Variants in RAVER2 observed in about 807,000 individuals in gnomAD.
RAVER2 encodes ribonucleoprotein, PTB binding 2.
A neutral mutation model predicts 78.1 loss-of-function variants in RAVER2; 46 were observed. That is an observed-to-expected ratio of 0.59 (90% CI 0.46 to 0.75). The LOEUF is 0.75. Ranked by LOEUF, RAVER2 falls within the 30% of genes least tolerant of loss-of-function variation. The pLI is 0.00. For missense variants in RAVER2, 793 were observed against 837.5 expected (o/e 0.95, Z 0.66); for synonymous variants, 311 against 313.3 (o/e 0.99, Z 0.08).
At chr1:64,829,562 A>G (rs1415179409) in intron 11 of RAVER2, among the ~76,000 whole-genome samples, 1 of 152,188 alleles carries the variant, frequency 6.6e-6, no homozygotes, top group East Asian at 1.9e-4. Flanking sequence ...GAGGTGAGCA[A>G]GCTGTTTGGT....
At chr1:64,803,553 C>T (rs1006203059) in intron 6 of RAVER2, among the ~76,000 whole-genome samples, 1 of 151,924 alleles carries the variant, frequency 6.6e-6, no homozygotes, top group African/African-American at 2.4e-5. Flanking sequence ...TAGAGATAAG[C>T]ATTACTCATT....
intron 4 of RAVER2, among the ~76,000 whole-genome samples, chr1:64,783,547 TTTG>T (rs766019677): frequency 2.0e-5 from 3 of 152,146 alleles, no homozygotes; most frequent in Non-Finnish European, 4.4e-5. Context: ...GAAGAAGACA[TTTG>T]TTGTCTGTTC....
intron 11 of RAVER2, among the ~76,000 whole-genome samples, chr1:64,826,988 A>G (rs894992022): frequency 6.6e-6 from 1 of 152,200 alleles, no homozygotes; most frequent in Non-Finnish European, 1.5e-5. Flanking sequence ...CGTTTTAGAC[A>G]TAAGATCCCT....
At chr1:64,761,403 T>C (rs897583054) in intron 1 of RAVER2, among the ~76,000 whole-genome samples, 1 of 152,160 alleles carries the variant, frequency 6.6e-6, no homozygotes, top group Admixed American at 6.5e-5. Context: ...ATATATAGGC[T>C]TGGAGCTTGG....
intron 5 of RAVER2, among the ~76,000 whole-genome samples, chr1:64,802,685 T>C (rs1653302080): frequency 6.6e-6 from 1 of 152,188 alleles, no homozygotes; most frequent in Non-Finnish European, 1.5e-5. Flanking sequence ...GTATTGTGCT[T>C]ATTAAAGGTG....
chr1:64,791,123 T>G (rs1435244771), intron 5 of RAVER2, among the ~76,000 whole-genome samples: 1 of 152,166 alleles, frequency 6.6e-6, no homozygotes, highest in Non-Finnish European at 1.5e-5. Flanking sequence ...GAAGATACAC[T>G]TAGGGAAAAG....
At chr1:64,814,953 G>T in intron 11 of RAVER2, 113 bp downstream of exon 11, 1 of 923,490 alleles carries the variant, frequency 1.1e-6, no homozygotes, top group Non-Finnish European at 1.5e-6. Context: ...AAATCAAATT[G>T]CACTGATCTA....
intron 11 of RAVER2, among the ~76,000 whole-genome samples, chr1:64,828,402 C>T (rs925583907): frequency 7.9e-5 from 12 of 152,152 alleles, no homozygotes; most frequent in African/African-American, 2.7e-4. Context: ...CTAGATCCTA[C>T]AAATACAAAA....
At chr1:64,771,586 A>G (rs1352153705) in intron 2 of RAVER2, among the ~76,000 whole-genome samples, 7 of 152,094 alleles carry the variant, frequency 4.6e-5, no homozygotes, top group Non-Finnish European at 1.5e-5. Flanking sequence ...ATGACATTAC[A>G]TTGTGAGATT....
At chr1:64,826,390 A>G (rs1353501704) in intron 11 of RAVER2, among the ~76,000 whole-genome samples, 1 of 152,210 alleles carries the variant, frequency 6.6e-6, no homozygotes, top group African/African-American at 2.4e-5. Flanking sequence ...CAAAGACCAG[A>G]ACTTTAGGGA....
Position 64,745,514 on chromosome 1 carries a change from C to T in RAVER2, c.249+93C>T. 2 of 1,351,148 alleles carry T rather than the reference C, an allele frequency of 1.5e-6. No homozygotes were observed. Among genetic ancestry groups the T allele is most frequent in the South Asian group, 1.5e-5 (1 of 68,454 alleles). The allele number at this position is 1,351,148 out of a possible 1,614,324, so 83.7% of individuals were successfully genotyped here. Reference sequence around the variant, plus strand: ...GGATCGGGGGCGCCTCAGAGCGGTCCTGGGGAGTGGGTCGGCGCCGAGTGG... The same window carrying T: ...GGATCGGGGGCGCCTCAGAGCGGTCTTGGGGAGTGGGTCGGCGCCGAGTGG... On this transcript the variant is annotated intron_variant, in intron 1 of 11. Coordinates refer to ENST00000294428, the Ensembl canonical transcript of RAVER2. The surrounding 1 kb of genome is among the most constrained non-coding windows in gnomAD (Gnocchi z 4.3).
At chr1:64,816,570 G>C (rs1345860544) in intron 11 of RAVER2, 1 of 152,218 alleles carries the variant, frequency 6.6e-6, no homozygotes, top group Non-Finnish European at 1.5e-5. Flanking sequence ...CCACTGCTGG[G>C]ATGAAGGAAG....
At chr1:64,745,094 G>T (rs1651482817), upstream of RAVER2, 1 of 1,001,616 alleles carries the variant, frequency 1.0e-6, no homozygotes, top group East Asian at 1.0e-4. The surrounding 1 kb of genome is among the most constrained non-coding windows in gnomAD (Gnocchi z 4.3). Flanking sequence ...CCTCGCCCTC[G>T]CCCGGGCCTC....
intron 11 of RAVER2, among the ~76,000 whole-genome samples, chr1:64,823,511 A>T (rs960683209): frequency 1.3e-5 from 2 of 152,328 alleles, no homozygotes; most frequent in South Asian, 4.1e-4. Context: ...GTCAATATGA[A>T]TGTACAAATT....
chr1:64,753,541 T>C (rs1651761781), intron 1 of RAVER2, among the ~76,000 whole-genome samples: 1 of 149,426 alleles, frequency 6.7e-6, no homozygotes, highest in Admixed American at 6.7e-5. Flanking sequence ...TTTTTTTTTT[T>C]TTTGGAAACG....
chr1:64,800,791 C>T (rs1009074399), intron 5 of RAVER2, among the ~76,000 whole-genome samples: 1 of 152,044 alleles, frequency 6.6e-6, no homozygotes, highest in African/African-American at 2.4e-5. Flanking sequence ...TGGGCACTTC[C>T]TCCTTTGCTA....
At chr1:64,815,191 G>C (rs1039411996) in intron 11 of RAVER2, 1 of 154,510 alleles carries the variant, frequency 6.5e-6, no homozygotes, top group Non-Finnish European at 1.4e-5. Flanking sequence ...TAATAAAAGA[G>C]TTGAGTGATG....
chr1:64,790,699 T>C (rs1652913961), intron 5 of RAVER2, among the ~76,000 whole-genome samples: 1 of 152,224 alleles, frequency 6.6e-6, no homozygotes, highest in African/African-American at 2.4e-5. Context: ...GTTTCAGGCA[T>C]CCACTGGGGT....
At chr1:64,782,581 C>T (rs1652660328) in intron 4 of RAVER2, among the ~76,000 whole-genome samples, 1 of 152,074 alleles carries the variant, frequency 6.6e-6, no homozygotes, top group African/African-American at 2.4e-5. Context: ...CATTGTTTAT[C>T]CGAACTTAAA....
Sources: gnomAD v4.1 joint callset for allele counts (sites outside exome capture counted in the v4.1 genomes callset) on GRCh38, gnomAD v4.1.1 for gene constraint, Gnocchi (gnomAD v3.1) non-coding constraint, MANE v1.5 for transcripts, NCBI Gene and HGNC (gene_info 2026-07-23, HGNC 2026-07-21) for gene names.